Variants in ZC4H2 observed in about 807,000 individuals in gnomAD.
ZC4H2 encodes the protein zinc finger C4H2 domain-containing protein.
For missense variants in ZC4H2, 137 were observed against 173.9 expected, an observed-to-expected ratio of 0.79 and a Z score of 1.19; for synonymous variants, 84 against 66.3, an observed-to-expected ratio of 1.27 and a Z score of -1.30.
chrX:64,961,797 C>T (rs773977698), intron 1 of ZC4H2, among the ~76,000 whole-genome samples: 1 of 111,252 alleles, frequency 9.0e-6, no homozygotes, highest in South Asian at 3.7e-4. Flanking sequence ...AATCACATAT[C>T]AACAAATTGG....
intron 1 of ZC4H2, among the ~76,000 whole-genome samples, chrX:65,017,111 G>A (rs1020744801): frequency 9.0e-6 from 1 of 111,690 alleles, no homozygotes; most frequent in African/African-American, 3.3e-5. Flanking sequence ...AAGAGCCATC[G>A]GGACTCCTCT....
intron 1 of ZC4H2, among the ~76,000 whole-genome samples, chrX:64,995,679 T>C (rs1932400078): frequency 8.9e-6 from 1 of 112,164 alleles, no homozygotes; most frequent in Non-Finnish European, 1.9e-5. Flanking sequence ...CTTAGCTACA[T>C]CTTGAAGATA....
At chrX:64,951,846 C>A (rs1181771315) in intron 1 of ZC4H2, among the ~76,000 whole-genome samples, 1 of 111,161 alleles carries the variant, frequency 9.0e-6, no homozygotes, top group Admixed American at 9.6e-5. Flanking sequence ...TGCCATTGCT[C>A]TTGGTGTTTT....
intron 1 of ZC4H2, among the ~76,000 whole-genome samples, chrX:64,938,232 C>A (rs1470309138): frequency 9.0e-6 from 1 of 111,356 alleles, no homozygotes; most frequent in Non-Finnish European, 1.9e-5. Flanking sequence ...AAGTCTAAAC[C>A]AGGAAGAAGT....
In ZC4H2 at chrX:65,013,103, G is replaced by A. The variant is rs747527716; in HGVS notation, c.-272+21526C>T. Among the ~76,000 whole-genome samples the A allele has an allele frequency of 9.0e-5, 10 of 111,161 alleles. No homozygotes were observed. The Admixed American group carries it at 9.6e-4, about 11-fold the overall frequency. On this transcript the variant is annotated intron_variant, in intron 1 of 4. Coordinates refer to the ZC4H2 transcript ENST00000337990. ...AACGAAGAAAATGGAAATGGATACC[G>A]TGTTGGCAGTTATAAGTCTCTGATA...
At chrX:65,004,011 C>T (rs1173262918) in intron 1 of ZC4H2, among the ~76,000 whole-genome samples, 1 of 111,877 alleles carries the variant, frequency 8.9e-6, no homozygotes, top group African/African-American at 3.3e-5. Flanking sequence ...TTCCTGGACA[C>T]ATACACACTT....
At chrX:64,948,688 C>T (rs1466872573) in intron 1 of ZC4H2, among the ~76,000 whole-genome samples, 1 of 111,301 alleles carries the variant, frequency 9.0e-6, no homozygotes, top group Non-Finnish European at 1.9e-5. Flanking sequence ...AGGTTTTCTA[C>T]CAAAAATTAA....
At chrX:64,921,720 C>A in intron 2 of ZC4H2, 97 bp downstream of exon 2, 1 of 966,983 alleles carries the variant, frequency 1.0e-6, no homozygotes. Context: ...GCCTGCTCCC[C>A]GAGCTAGGCC....
intron 1 of ZC4H2, among the ~76,000 whole-genome samples, chrX:64,967,963 T>C (rs751566723): frequency 5.4e-5 from 6 of 111,823 alleles, no homozygotes; most frequent in Non-Finnish European, 1.1e-4. Context: ...TGGTAGGTAG[T>C]AAATCCAGGG....
intron 1 of ZC4H2, among the ~76,000 whole-genome samples, chrX:64,944,141 C>CTTTTT (rs746540220): frequency 1.1e-5 from 1 of 89,175 alleles, no homozygotes; most frequent in Non-Finnish European, 2.2e-5. Flanking sequence ...TTTCTTTTTT[C>CTTTTT]TTTTTTTTTT....
At chrX:65,020,109 C>A (rs1932825780) in intron 1 of ZC4H2, among the ~76,000 whole-genome samples, 1 of 112,203 alleles carries the variant, frequency 8.9e-6, no homozygotes, top group Admixed American at 9.5e-5. Flanking sequence ...TTGGAAAACA[C>A]TCTGCAGGAT....
At chrX:64,937,536 A>C (rs890004977) in intron 1 of ZC4H2, among the ~76,000 whole-genome samples, 6 of 111,820 alleles carry the variant, frequency 5.4e-5, no homozygotes, top group Admixed American at 9.5e-5. Context: ...CATAATTAGA[A>C]GTAAAACACT....
chrX:65,030,634 G>A (rs1932924742), intron 1 of ZC4H2, among the ~76,000 whole-genome samples: 1 of 111,763 alleles, frequency 8.9e-6, no homozygotes. Context: ...TCCTAAACAA[G>A]TAATAGTACC....
At chrX:65,011,203 G>C (rs1932752410) in intron 1 of ZC4H2, among the ~76,000 whole-genome samples, 1 of 111,914 alleles carries the variant, frequency 8.9e-6, no homozygotes, top group Admixed American at 9.5e-5. Context: ...TCTATGATAG[G>C]TATTATTATC....
At chrX:64,963,328 C>T (rs1295778229) in intron 1 of ZC4H2, among the ~76,000 whole-genome samples, 1 of 111,628 alleles carries the variant, frequency 9.0e-6, no homozygotes, top group Non-Finnish European at 1.9e-5. Flanking sequence ...CTACAAAACT[C>T]CTACAAGAAG....
chrX:65,018,309 T>C (rs893236225), intron 1 of ZC4H2, among the ~76,000 whole-genome samples: 4 of 112,485 alleles, frequency 3.6e-5, no homozygotes, highest in Non-Finnish European at 7.5e-5. Flanking sequence ...GGGTGATTTC[T>C]GCATTTCCAA....
chrX:65,013,946 T>C (rs1160468416), intron 1 of ZC4H2, among the ~76,000 whole-genome samples: 1 of 111,307 alleles, frequency 9.0e-6, no homozygotes, highest in Non-Finnish European at 1.9e-5. Flanking sequence ...GATTCAGATA[T>C]TTTCTCTTCT....
At chrX:64,980,320 T>C (rs990162559), upstream of ZC4H2, among the ~76,000 whole-genome samples, 3 of 111,534 alleles carry the variant, frequency 2.7e-5, no homozygotes, top group African/African-American at 9.8e-5. Flanking sequence ...CATGCATACA[T>C]ATATAGTTAT....
chrX:64,918,869 G>T, intron 4 of ZC4H2, 173 bp downstream of exon 4: 1 of 503,700 alleles, frequency 2.0e-6, no homozygotes, highest in East Asian at 4.2e-5. Flanking sequence ...CAAAACCTGT[G>T]CTGTGTGTGT....
Sources: gnomAD v4.1 joint callset for allele counts (sites outside exome capture counted in the v4.1 genomes callset) on GRCh38, gnomAD v4.1.1 for gene constraint, MANE v1.5 for transcripts, NCBI Gene and HGNC (gene_info 2026-07-23, HGNC 2026-07-21) for gene names.